The following IFT122 variants were observed in gnomAD, a reference collection of about 807,000 sequenced individuals.
The protein encoded by IFT122 is intraflagellar transport 122.
IFT122 carries 118 observed loss-of-function variants against 161.6 expected under a neutral mutation model. The observed-to-expected ratio is 0.73, with a 90% CI of 0.63 to 0.85. IFT122 has a LOEUF of 0.85. Among genes scored for constraint, IFT122 ranks in the 40% least tolerant of loss-of-function variants. IFT122 has a pLI of 0.00. For synonymous variants in IFT122, 550 were observed against 602.4 expected (o/e 0.91, Z 1.27); for missense variants, 1,381 against 1,579.6 (o/e 0.87, Z 2.13).
At chr3:129,472,407 C>G (rs2108233849) in intron 9 of IFT122, among the ~76,000 whole-genome samples, 1 of 151,890 alleles carries the variant, frequency 6.6e-6, no homozygotes, top group South Asian at 2.1e-4. Context: ...TCAAATGATT[C>G]TTCTGCCTTG....
intron 4 of IFT122, chr3:129,459,414 C>G (rs536774431): frequency 2.6e-6 from 1 of 385,100 alleles, no homozygotes; most frequent in Non-Finnish European, 5.1e-6. Flanking sequence ...CTCAGCCTCC[C>G]GAGTAGCTGG....
At chr3:129,476,061 G>A (rs1360010927) in intron 9 of IFT122, 11 of 530,660 alleles carry the variant, frequency 2.1e-5, no homozygotes, top group Non-Finnish European at 3.7e-5. Context: ...TGCACTCCTG[G>A]AGCACTTGGG....
At chr3:129,490,137 A>G (rs2079884744) in intron 16 of IFT122, among the ~76,000 whole-genome samples, 1 of 152,210 alleles carries the variant, frequency 6.6e-6, no homozygotes, top group African/African-American at 2.4e-5. Context: ...TGCTGGGATT[A>G]CAGGTATAAA....
In IFT122 at chr3:129,520,488, A is replaced by C. The variant is rs2084613014; in HGVS notation, c.*223A>C. 3.3e-6 allele frequency: 2 copies of C among 608,310 alleles called. No individual in the cohort carries two copies. The highest frequency in any genetic ancestry group is 5.4e-5 in the Admixed American group (2 of 37,306). The allele number at this position is 608,310 out of a possible 1,614,324, so 37.7% of individuals were successfully genotyped here. On this transcript the variant is annotated 3_prime_UTR_variant, in exon 30 of 30. Coordinates refer to ENST00000348417, the MANE Select transcript of IFT122 (RefSeq NM_052989.3). ...GAGAATGTACATATATTTTCTAAGG[A>C]AAAAAATCTGTTACTTTCAGAACGG...
intron 18 of IFT122, among the ~76,000 whole-genome samples, chr3:129,498,826 CAT>C (rs1300260690): frequency 1.3e-5 from 2 of 152,168 alleles, no homozygotes; most frequent in African/African-American, 4.8e-5. Flanking sequence ...TTACCAGTAA[CAT>C]AGACCTGGGC....
At chr3:129,491,478 C>A (rs1158926154) in intron 16 of IFT122, among the ~76,000 whole-genome samples, 2 of 152,190 alleles carry the variant, frequency 1.3e-5, no homozygotes, top group African/African-American at 4.8e-5. Context: ...TTCTAGAGGT[C>A]CATGAGTTAA....
Position 129,463,674 on chromosome 3 carries a change from C to G in IFT122, c.416+48C>G, listed in dbSNP as rs573790388. On this transcript the variant is annotated intron_variant, in intron 6 of 29. Transcript: ENST00000348417. ...GATTTATGTTCCTTCATCTTCCACA[C>G]AGACTCTCAAAATCCAATTATTTCA... 6.2e-6 allele frequency: 9 copies of G among 1,452,908 alleles called. No homozygotes were observed. The Admixed American group carries it at 1.2e-4, about 19-fold the overall frequency. 90.0% of individuals were successfully genotyped at this position (1,452,908 alleles called of 1,614,324 possible).
intron 26 of IFT122, among the ~76,000 whole-genome samples, chr3:129,516,300 ACACACACAGAGACTGCCCCTG>A (rs1306792136): frequency 3.7e-5 from 5 of 136,182 alleles, no homozygotes; most frequent in South Asian, 2.7e-4. Flanking sequence ...ACACACACAC[ACACACACAGAGACTGCCCCTG>A]CACACACACA....
intron 1 of IFT122, among the ~76,000 whole-genome samples, chr3:129,444,104 C>A (rs1420440287): frequency 6.6e-6 from 1 of 152,222 alleles, no homozygotes; most frequent in African/African-American, 2.4e-5. Flanking sequence ...CTGGCTTGTG[C>A]ACCCCGTGAG....
intron 26 of IFT122, 56 bp downstream of exon 26, chr3:129,515,655 A>G: frequency 6.9e-7 from 1 of 1,454,866 alleles, no homozygotes; most frequent in East Asian, 2.3e-5. Context: ...AGCCAGGCTC[A>G]CTCCACTGCT....
At chr3:129,470,056 T>C (rs1314560311) in intron 9 of IFT122, among the ~76,000 whole-genome samples, 1 of 151,916 alleles carries the variant, frequency 6.6e-6, no homozygotes, top group Non-Finnish European at 1.5e-5. Context: ...GAGCAGGCCA[T>C]CTTTGAGTTA....
intron 20 of IFT122, chr3:129,503,853 C>T (rs1313342799): frequency 4.1e-6 from 1 of 243,126 alleles, no homozygotes; most frequent in African/African-American, 2.3e-5. Flanking sequence ...TTCTCCTGGC[C>T]TGACAGGTGG....
At chr3:129,484,937 C>T (rs1305624501) in intron 15 of IFT122, among the ~76,000 whole-genome samples, 1 of 152,192 alleles carries the variant, frequency 6.6e-6, no homozygotes, top group Non-Finnish European at 1.5e-5. Context: ...TCTCCCACCA[C>T]AGTCATGGCA....
intron 28 of IFT122, 137 bp downstream of exon 28, chr3:129,519,323 A>T (rs2084445934): frequency 2.0e-5 from 20 of 983,854 alleles, no homozygotes; most frequent in Non-Finnish European, 3.2e-5. Context: ...AAGGAGGGGC[A>T]GGACCCCTTC....
chr3:129,473,202 G>A (rs2077546435), intron 9 of IFT122, among the ~76,000 whole-genome samples: 1 of 152,190 alleles, frequency 6.6e-6, no homozygotes, highest in Non-Finnish European at 1.5e-5. Context: ...TCTGTAGGCT[G>A]AGGTGGGAGT....
intron 1 of IFT122, among the ~76,000 whole-genome samples, chr3:129,446,890 GTGTTT>G (rs1301611682): frequency 2.0e-5 from 3 of 152,100 alleles, no homozygotes; most frequent in East Asian, 3.8e-4. Flanking sequence ...TGTTTTTTGT[GTGTTT>G]TGTTTTGAGT....
At chr3:129,488,100 C>G in intron 15 of IFT122, 157 bp from the exon 16 acceptor site, 1 of 1,138,966 alleles carries the variant, frequency 8.8e-7, no homozygotes, top group South Asian at 1.3e-5. Flanking sequence ...ACAGGGTGGG[C>G]TGGGCAGGCT....
At chr3:129,481,147 CAT>C (rs1388184210) in intron 13 of IFT122, among the ~76,000 whole-genome samples, 3 of 152,318 alleles carry the variant, frequency 2.0e-5, no homozygotes, top group East Asian at 3.9e-4. Context: ...TTTTCTACCA[CAT>C]GTCTTGTCAG....
At chr3:129,488,936 G>T (rs1015356411) in intron 16 of IFT122, among the ~76,000 whole-genome samples, 4 of 152,056 alleles carry the variant, frequency 2.6e-5, no homozygotes, top group African/African-American at 7.2e-5. Context: ...TTGATTCGTT[G>T]TGTCCTTTCC....
Sources: allele counts gnomAD v4.1 joint callset (sites outside exome capture counted in the v4.1 genomes callset), GRCh38; gene constraint gnomAD v4.1.1; transcripts MANE v1.5; gene names NCBI Gene and HGNC (gene_info 2026-07-23, HGNC 2026-07-21).